RGS17: variants seen among roughly 807,000 people sequenced by gnomAD.
RGS17 encodes the protein regulator of G protein signaling 17.
RGS17 carries 12 observed loss-of-function variants against 25.5 expected under a neutral mutation model. The observed-to-expected ratio is 0.47, with a 90% CI of 0.30 to 0.76. The LOEUF is 0.76. RGS17 is among the 30% of genes least tolerant of loss of function. The pLI, the probability that RGS17 is intolerant of heterozygous loss-of-function variation, is 0.07. For synonymous variants in RGS17, 71 were observed against 76.9 expected, an observed-to-expected ratio of 0.92 and a Z score of 0.40; for missense variants, 196 against 242.2, an observed-to-expected ratio of 0.81 and a Z score of 1.27.
chr6:153,110,664 C>A (rs1777456754), intron 1 of RGS17, among the ~76,000 whole-genome samples: 1 of 152,184 alleles, frequency 6.6e-6, no homozygotes, highest in Admixed American at 6.5e-5. Flanking sequence ...CAAATAGGAA[C>A]AGCTCCAGTC....
intron 1 of RGS17, among the ~76,000 whole-genome samples, chr6:153,127,277 G>GT (rs1195881935): frequency 1.3e-5 from 2 of 152,178 alleles, no homozygotes; most frequent in Non-Finnish European, 1.5e-5. Context: ...CAGCTCAGGG[G>GT]TTGGGGACCC....
At chr6:153,117,472 A>G (rs774348288) in intron 1 of RGS17, among the ~76,000 whole-genome samples, 1 of 152,196 alleles carries the variant, frequency 6.6e-6, no homozygotes, top group Admixed American at 6.5e-5. Context: ...ATCTCATCCA[A>G]TATGAGAGGA....
At position 153,054,065 on chromosome 6, in the gene RGS17, TAC is replaced by T. The variant is rs1486739111; in HGVS notation, c.-25-10024_-25-10023del. On this transcript the variant is annotated intron_variant, in intron 1 of 4. Coordinates refer to ENST00000206262, the MANE Select transcript of RGS17 (RefSeq NM_012419.5). Reference sequence around the variant, plus strand: ...TATGTATATATGTATATAATATATATACATATATATATACACACAATATTTTT... The same window carrying T: ...TATGTATATATGTATATAATATATATATATATATATACACACAATATTTTT... Among the ~76,000 whole-genome samples, 57 of 50,726 alleles carry T rather than the reference TAC, an allele frequency of 1.1e-3. 1 individual carries two copies. The highest frequency in any genetic ancestry group is 1.9e-3 in the East Asian group (3 of 1,598). The allele number at this position is 50,726 out of a possible 152,430, so 33.3% of individuals were successfully genotyped here.
rs1344035833 is a variant in RGS17 at position 153,010,064 on chromosome 6, C to T, written c.*1510G>A. The T allele has an allele frequency of 1.3e-5, 2 of 151,178 alleles. No individual in the cohort carries two copies. The highest frequency in any genetic ancestry group is 2.1e-4 in the South Asian group (1 of 4,762). The allele number at this position is 151,178 out of a possible 1,614,324, so 9.4% of individuals were successfully genotyped here. Reference sequence around the variant, plus strand: ...GTAGTTAAAAAAATGACAAAGAAAACCTGTAACTGTAATATCATCCTTAAT... The same window carrying T: ...GTAGTTAAAAAAATGACAAAGAAAATCTGTAACTGTAATATCATCCTTAAT... On this transcript the variant is annotated 3_prime_UTR_variant, in exon 5 of 5. Coordinates refer to ENST00000206262, the MANE Select transcript of RGS17 (RefSeq NM_012419.5).
chr6:153,123,000 CATCAGAGTACAT>C (rs1777657722), intron 1 of RGS17, among the ~76,000 whole-genome samples: 1 of 69,442 alleles, frequency 1.4e-5, no homozygotes, highest in South Asian at 6.6e-4. Context: ...CATTGGAGTA[CATCAGAGTACAT>C]TGGAGTATTT....
At chr6:153,068,483 A>C (rs1034998902) in intron 1 of RGS17, among the ~76,000 whole-genome samples, 12 of 152,158 alleles carry the variant, frequency 7.9e-5, no homozygotes, top group African/African-American at 2.9e-4. Flanking sequence ...CATCTAAGAC[A>C]TCAGACTATG....
At position 153,006,635 on chromosome 6, in the gene RGS17, G is replaced by T. The variant is rs1383346602; in HGVS notation, c.*4939C>A. ...ACGTATGTTTTGGAAAAAAATAGGG[G>T]AAAGTGCATTAAAGTGACATTTAAT... is the stretch of plus-strand genomic sequence containing the variant. On this transcript the variant is annotated 3_prime_UTR_variant, in exon 5 of 5. Coordinates refer to ENST00000206262, the MANE Select transcript of RGS17 (RefSeq NM_012419.5). 6.6e-6 allele frequency: 1 copy of T among 152,454 alleles called. No individual in the cohort carries two copies. 9.4% of individuals were successfully genotyped at this position (152,454 alleles called of 1,614,324 possible).
intron 1 of RGS17, among the ~76,000 whole-genome samples, chr6:153,102,941 G>C (rs1233895018): frequency 6.6e-6 from 1 of 152,192 alleles, no homozygotes; most frequent in African/African-American, 2.4e-5. Flanking sequence ...AGCCATAACT[G>C]CTGAATGAAT....
At chr6:153,033,248 GA>G (rs1231282106) in intron 2 of RGS17, among the ~76,000 whole-genome samples, 1 of 152,066 alleles carries the variant, frequency 6.6e-6, no homozygotes, top group East Asian at 1.9e-4. Flanking sequence ...TGGACATATT[GA>G]TTTGATTTGG....
intron 1 of RGS17, among the ~76,000 whole-genome samples, chr6:153,069,736 C>T (rs1419354204): frequency 1.2e-5 from 1 of 83,340 alleles, no homozygotes; most frequent in South Asian, 3.8e-4. Context: ...CATATATACA[C>T]CTCGTGTGTG....
At chr6:153,031,949 A>ACACC (rs1268879875) in intron 2 of RGS17, among the ~76,000 whole-genome samples, 2 of 152,188 alleles carry the variant, frequency 1.3e-5, no homozygotes, top group Non-Finnish European at 1.5e-5. Flanking sequence ...GACAAAAGTA[A>ACACC]CACCGTTAAT....
intron 1 of RGS17, among the ~76,000 whole-genome samples, chr6:153,056,816 G>A (rs1776566782): frequency 6.6e-6 from 1 of 150,582 alleles, no homozygotes; most frequent in Non-Finnish European, 1.5e-5. Context: ...CAATAGGATT[G>A]AAAAACTCTT....
chr6:153,017,843 A>G (rs1157596638), intron 4 of RGS17, among the ~76,000 whole-genome samples: 1 of 152,072 alleles, frequency 6.6e-6, no homozygotes, highest in African/African-American at 2.4e-5. Flanking sequence ...TTATAAGTCC[A>G]TATCAAATTT....
chr6:153,017,434 T>A (rs1166909523), intron 4 of RGS17, among the ~76,000 whole-genome samples: 1 of 152,076 alleles, frequency 6.6e-6, no homozygotes, highest in East Asian at 1.9e-4. Context: ...AGAAATCTTG[T>A]TAGTGTGGCT....
intron 1 of RGS17, among the ~76,000 whole-genome samples, chr6:153,066,382 C>T (rs752364439): frequency 1.3e-5 from 2 of 152,076 alleles, no homozygotes; most frequent in Non-Finnish European, 2.9e-5. Context: ...AAAAAAAAGC[C>T]TGGGACCTGA....
Position 153,038,055 on chromosome 6 carries a change from T to C in RGS17, c.119+5845A>G, listed in dbSNP as rs533792357. Among the ~76,000 whole-genome samples the C allele has an allele frequency of 3.9e-5, 6 of 152,238 alleles. No homozygotes were observed. In the South Asian group the frequency reaches 8.3e-4, roughly 21 times the overall value. On this transcript the variant is annotated intron_variant, in intron 2 of 4. Transcript: ENST00000206262. ...CGGTACATCCTGGCCCATCCAGACA[T>C]AGATAGTCCTCACTGCATTGCCATG...
chr6:153,053,969 ATATATATG>A (rs1345025789), intron 1 of RGS17, among the ~76,000 whole-genome samples: 2,125 of 36,478 alleles, frequency 0.058, 289 homozygotes, highest in Admixed American at 0.18. Context: ...TATTATATAC[ATATATATG>A]TATATATGTA....
At position 153,007,229 on chromosome 6, in the gene RGS17, G is replaced by A. The variant is rs975716837; in HGVS notation, c.*4345C>T. 3 of 152,158 alleles carry A rather than the reference G, an allele frequency of 2.0e-5. No homozygotes were observed. Among genetic ancestry groups the A allele is most frequent in the Admixed American group, 1.3e-4 (2 of 15,280 alleles). The allele number at this position is 152,158 out of a possible 1,614,324, so 9.4% of individuals were successfully genotyped here. ...ATCTTGTGTTGCAAGGATATTTTAA[G>A]CACTGCAGGGAAAATCTGAAGCAAG... On this transcript the variant is annotated 3_prime_UTR_variant, in exon 5 of 5. Transcript: ENST00000206262.
chr6:153,070,747 GTA>G (rs1265711919), intron 1 of RGS17, among the ~76,000 whole-genome samples: 11 of 146,948 alleles, frequency 7.5e-5, no homozygotes, highest in African/African-American at 1.3e-4. Flanking sequence ...ATACATAGAC[GTA>G]TATGTGTGTA....
Sources: gnomAD v4.1 joint callset for allele counts (sites outside exome capture counted in the v4.1 genomes callset) on GRCh38, gnomAD v4.1.1 for gene constraint, MANE v1.5 for transcripts, NCBI Gene and HGNC (gene_info 2026-07-23, HGNC 2026-07-21) for gene names.